ASAP1: variants seen among roughly 807,000 people sequenced by gnomAD.
ASAP1 encodes ArfGAP with SH3 domain, ankyrin repeat and PH domain 1.
ASAP1 carries 43 observed loss-of-function variants against 145.2 expected under a neutral mutation model. That is an observed-to-expected ratio of 0.30 (90% CI 0.23 to 0.38). The LOEUF (loss-of-function observed/expected upper bound fraction) is 0.38, where lower values mean the gene tolerates loss of function less well. Ranked by LOEUF, ASAP1 falls within the 10% of genes least tolerant of loss-of-function variation. ASAP1 has a pLI of 1.00. For synonymous variants in ASAP1, 546 were observed against 515.5 expected (o/e 1.06, Z -0.80); for missense variants, 1,018 against 1,355.3 (o/e 0.75, Z 3.91).
chr8:130,328,834 C>T (rs886899675), intron 3 of ASAP1, among the ~76,000 whole-genome samples: 5 of 151,896 alleles, frequency 3.3e-5, no homozygotes, highest in Admixed American at 2.0e-4. Flanking sequence ...CTCCCTATGT[C>T]GCTCAGGTTG....
intron 3 of ASAP1, among the ~76,000 whole-genome samples, chr8:130,311,489 T>C (rs1161447651): frequency 6.6e-6 from 1 of 152,176 alleles, no homozygotes; most frequent in Non-Finnish European, 1.5e-5. Context: ...GGGTCCAGTG[T>C]GGTGGCTCAC....
rs1826422131 is a variant in ASAP1, at chr8:130,357,797, C to T, written c.186+220G>A. Reference sequence around the variant, plus strand: ...GTCCACAGCTCGCTCAGTCCTCTCCCACCTCCAGTCCCCAGGCCTTTCAAC... The same window carrying T: ...GTCCACAGCTCGCTCAGTCCTCTCCTACCTCCAGTCCCCAGGCCTTTCAAC... On this transcript the variant is annotated intron_variant, in intron 3 of 29. Coordinates refer to ENST00000518721, the MANE Select transcript of ASAP1 (RefSeq NM_018482.4). Among the ~76,000 whole-genome samples, 2 of 152,244 alleles carry T rather than the reference C, an allele frequency of 1.3e-5. 1 individual carries two copies. Among genetic ancestry groups the T allele is most frequent in the South Asian group, 4.1e-4 (2 of 4,834 alleles).
chr8:130,407,141 T>G (rs904186821), intron 1 of ASAP1, among the ~76,000 whole-genome samples: 6 of 152,206 alleles, frequency 3.9e-5, no homozygotes, highest in African/African-American at 1.4e-4. Flanking sequence ...GTTGTGGTGG[T>G]AGTGATATTA....
intron 3 of ASAP1, among the ~76,000 whole-genome samples, chr8:130,258,528 A>G (rs1216554251): frequency 6.6e-6 from 1 of 152,190 alleles, no homozygotes; most frequent in African/African-American, 2.4e-5. Context: ...TGTAGTGGAA[A>G]CAACAGAGAC....
At chr8:130,336,090 C>G (rs1208681551) in intron 3 of ASAP1, among the ~76,000 whole-genome samples, 2 of 152,092 alleles carry the variant, frequency 1.3e-5, no homozygotes, top group African/African-American at 4.8e-5. Flanking sequence ...GAGATAGACA[C>G]CTGGGATTAA....
At chr8:130,071,095 C>T (rs1389152180) in intron 27 of ASAP1, among the ~76,000 whole-genome samples, 1 of 146,656 alleles carries the variant, frequency 6.8e-6, no homozygotes, top group East Asian at 2.0e-4. Context: ...ATTTTTTCTC[C>T]CCTACCCGAT....
Position 130,401,950 on chromosome 8 carries a change from G to A in ASAP1, c.-7C>T, listed in dbSNP as rs1435161329. The A allele has an allele frequency of 6.2e-7, 1 of 1,613,026 alleles. No individual in the cohort carries two copies. The highest frequency in any genetic ancestry group is 1.7e-5 in the Admixed American group (1 of 59,950). Reference sequence around the variant, plus strand: ...TGGAGGCTGAAGATCTCATGTCTCAGCCGTCACATCAGAAAACGACCTGGA... The same window carrying A: ...TGGAGGCTGAAGATCTCATGTCTCAACCGTCACATCAGAAAACGACCTGGA... On this transcript the variant is annotated 5_prime_UTR_variant, in exon 2 of 30. Coordinates refer to ENST00000518721, the MANE Select transcript of ASAP1 (RefSeq NM_018482.4).
chr8:130,140,286 C>T (rs1283593083), intron 13 of ASAP1, among the ~76,000 whole-genome samples: 1 of 151,866 alleles, frequency 6.6e-6, no homozygotes, highest in Non-Finnish European at 1.5e-5. Context: ...AGTGATCTGT[C>T]AGCCTCAAGT....
chr8:130,300,911 G>A (rs749798218), intron 3 of ASAP1, among the ~76,000 whole-genome samples: 1 of 152,026 alleles, frequency 6.6e-6, no homozygotes, highest in African/African-American at 2.4e-5. Context: ...TAAGAAGGGG[G>A]GCTCCCTGCA....
chr8:130,073,836 C>T (rs2097455735), intron 27 of ASAP1, among the ~76,000 whole-genome samples: 1 of 152,198 alleles, frequency 6.6e-6, no homozygotes, highest in East Asian at 1.9e-4. Context: ...CACACTACCA[C>T]CTATGAAGTG....
intron 3 of ASAP1, among the ~76,000 whole-genome samples, chr8:130,309,728 A>T (rs1823216684): frequency 6.6e-6 from 1 of 152,206 alleles, no homozygotes; most frequent in Non-Finnish European, 1.5e-5. Flanking sequence ...GAAAATGAGA[A>T]AACTCAATGC....
intron 2 of ASAP1, chr8:130,361,705 C>T: frequency 6.5e-7 from 1 of 1,535,638 alleles, no homozygotes; most frequent in Non-Finnish European, 8.7e-7. Context: ...AATTTGAAAC[C>T]ATGCCTCAGT....
At chr8:130,365,139 T>G (rs1381786670) in intron 2 of ASAP1, among the ~76,000 whole-genome samples, 1 of 152,174 alleles carries the variant, frequency 6.6e-6, no homozygotes, top group African/African-American at 2.4e-5. Context: ...AGCCCCAGGC[T>G]TGGCCTTTTA....
intron 3 of ASAP1, among the ~76,000 whole-genome samples, chr8:130,356,824 G>A (rs1186114130): frequency 1.3e-5 from 2 of 152,198 alleles, no homozygotes; most frequent in Admixed American, 1.3e-4. Flanking sequence ...CTCATTTCAA[G>A]ATGAGTCGGC....
At chr8:130,081,057 T>C (rs769010007) in intron 25 of ASAP1, among the ~76,000 whole-genome samples, 5 of 152,176 alleles carry the variant, frequency 3.3e-5, no homozygotes, top group Non-Finnish European at 4.4e-5. Flanking sequence ...ACTTAAGACA[T>C]AGGAAATACA....
At chr8:130,125,842 T>C in intron 17 of ASAP1, 114 bp downstream of exon 17, 1 of 1,116,338 alleles carries the variant, frequency 9.0e-7, no homozygotes, top group Non-Finnish European at 1.2e-6. Flanking sequence ...ACTCACAAAA[T>C]TCAGGAATTA....
At chr8:130,205,476 G>C (rs1816154032) in intron 5 of ASAP1, among the ~76,000 whole-genome samples, 1 of 150,750 alleles carries the variant, frequency 6.6e-6, no homozygotes, top group South Asian at 2.1e-4. Context: ...TTAAGACAAG[G>C]TATACCTGTA....
chr8:130,145,893 G>T (rs2097628306), intron 13 of ASAP1, among the ~76,000 whole-genome samples: 1 of 151,568 alleles, frequency 6.6e-6, no homozygotes, highest in African/African-American at 2.4e-5. Context: ...CCAGGGTGGG[G>T]TACGGTGGTG....
intron 3 of ASAP1, among the ~76,000 whole-genome samples, chr8:130,328,713 TG>T (rs1407372280): frequency 6.6e-6 from 1 of 151,986 alleles, no homozygotes; most frequent in Non-Finnish European, 1.5e-5. Context: ...CTTGAACTCC[TG>T]GGCTCAAGCA....
Sources: allele counts gnomAD v4.1 joint callset (sites outside exome capture counted in the v4.1 genomes callset), GRCh38; gene constraint gnomAD v4.1.1; transcripts MANE v1.5; gene names NCBI Gene and HGNC (gene_info 2026-07-23, HGNC 2026-07-21).